The following FARP1 variants were observed in gnomAD, a reference collection of about 807,000 sequenced individuals.
The protein encoded by FARP1 is FERM, ARHGEF and pleckstrin domain-containing protein 1.
In FARP1, 52 loss-of-function variants were observed where a neutral mutation model predicts 128.8. The ratio of observed to expected loss-of-function variants is 0.40; its 90% CI spans 0.32 to 0.51. The LOEUF (loss-of-function observed/expected upper bound fraction) is 0.51. FARP1 is among the 20% of genes least tolerant of loss of function. The pLI, the probability that FARP1 is intolerant of heterozygous loss-of-function variation, is 0.45. For synonymous variants in FARP1, 580 were observed against 551.8 expected (o/e 1.05, Z -0.72); for missense variants, 1,333 against 1,367.9 (o/e 0.97, Z 0.40).
intron 8 of FARP1, among the ~76,000 whole-genome samples, chr13:98,386,428 TCTG>T (rs1418890241): frequency 1.3e-5 from 2 of 152,206 alleles, no homozygotes; most frequent in East Asian, 3.8e-4. Context: ...TATTGATCAT[TCTG>T]CTATTGGACT....
At chr13:98,313,047 C>A (rs1298983332) in intron 2 of FARP1, among the ~76,000 whole-genome samples, 1 of 151,870 alleles carries the variant, frequency 6.6e-6, no homozygotes, top group Non-Finnish European at 1.5e-5. Context: ...AAGCAGAGTC[C>A]TTACAGATGT....
intron 2 of FARP1, among the ~76,000 whole-genome samples, chr13:98,319,074 C>T (rs150000827): frequency 0.022 from 3,333 of 151,328 alleles, 86 homozygotes; most frequent in Admixed American, 0.043. Context: ...GCAGTCCTCC[C>T]GCCTCAGCCT....
At chr13:98,400,253 C>G (rs1389784076) in intron 13 of FARP1, 1 of 152,222 alleles carries the variant, frequency 6.6e-6, no homozygotes, top group African/African-American at 2.4e-5. Flanking sequence ...CCAGTCTGCT[C>G]TGAATGTGCA....
Position 98,378,320 on chromosome 13 carries a change from A to G in FARP1, c.496+402A>G, listed in dbSNP as rs185264159. 3.0e-3 allele frequency among the ~76,000 whole-genome samples: 459 copies of G among 152,300 alleles called. 4 individuals carry two copies. Among genetic ancestry groups the G allele is most frequent in the African/African-American group, 8.0e-3 (332 of 41,564 alleles). ...ACTGCCACCGATTTCACTTCTCTCT[A>G]GAGATTTTTGCTCTTCAGAATTCAG... On this transcript the variant is annotated intron_variant, in intron 6 of 26. Transcript: ENST00000319562.
chr13:98,360,090 C>CTTTTTT (rs55859311), intron 3 of FARP1, among the ~76,000 whole-genome samples: 40 of 104,580 alleles, frequency 3.8e-4, no homozygotes, highest in East Asian at 9.9e-4. Context: ...GATTGTGTTG[C>CTTTTTT]TTTTTTTTTT....
In FARP1 at chr13:98,440,758, C is replaced by A; in HGVS notation, c.2718C>A (p.His906Gln). The A allele has an allele frequency of 6.2e-7, 1 of 1,613,402 alleles. No individual in the cohort carries two copies. Among genetic ancestry groups the A allele is most frequent in the Non-Finnish European group, 8.5e-7 (1 of 1,179,980 alleles). ...CATCGCTGGAGCGCCAGGCCCCGCACCGCGGCAACACAATGGTGCACGTGT... is the reference window on the plus strand; with the variant it reads ...CATCGCTGGAGCGCCAGGCCCCGCAACGCGGCAACACAATGGTGCACGTGT... Reference protein sequence around the residue: ...SRTSLERQAPHRGNTMVHVCW... With the variant: ...SRTSLERQAPQRGNTMVHVCW... The change falls in exon 24 of 27, where the codon CAC becomes CAA. Residue 906 changes from histidine (H) to glutamine (Q), a missense_variant. His to Gln is a conservative substitution (Grantham distance 24, BLOSUM62 0). Transcript: ENST00000319562.
intron 16 of FARP1, among the ~76,000 whole-genome samples, chr13:98,413,002 G>C (rs1333755320): frequency 3.9e-5 from 6 of 152,240 alleles, no homozygotes; most frequent in Non-Finnish European, 8.8e-5. Context: ...AGCCCTATGT[G>C]AGGTTGTCCT....
intron 2 of FARP1, among the ~76,000 whole-genome samples, chr13:98,238,905 AC>A (rs1566781210): frequency 6.6e-6 from 1 of 151,964 alleles, no homozygotes; most frequent in African/African-American, 2.4e-5. Flanking sequence ...CTGTGCGCCA[AC>A]CCCCACATTG....
In FARP1 at chr13:98,176,163, T is replaced by C; in HGVS notation, c.-24+32671T>C. 1 of 1,609,234 alleles carries C rather than the reference T, an allele frequency of 6.2e-7. No individual in the cohort carries two copies. Among genetic ancestry groups the C allele is most frequent in the Non-Finnish European group, 8.5e-7 (1 of 1,175,902 alleles). ...GTGTACATACAGACTTGAGTCTTTC[T>C]TATCTCTTTTTTCCTAAAAGAACAA... On this transcript the variant is annotated intron_variant, in intron 1 of 26. Transcript: ENST00000319562. The surrounding 1 kb of genome is among the most constrained non-coding windows in gnomAD (Gnocchi z 6.2).
intron 3 of FARP1, among the ~76,000 whole-genome samples, chr13:98,344,089 C>T (rs1221682541): frequency 5.3e-5 from 8 of 152,148 alleles, no homozygotes; most frequent in African/African-American, 1.2e-4. Flanking sequence ...GGCTATGTAT[C>T]GGCCCTCACA....
chr13:98,192,789 A>C (rs1042055774), intron 1 of FARP1, among the ~76,000 whole-genome samples: 12 of 152,242 alleles, frequency 7.9e-5, no homozygotes, highest in African/African-American at 2.9e-4. Flanking sequence ...TAAATTGACC[A>C]GAAAAGTGAG....
chr13:98,352,382 A>G (rs575655935), intron 3 of FARP1, among the ~76,000 whole-genome samples: 8 of 152,302 alleles, frequency 5.3e-5, no homozygotes, highest in African/African-American at 1.9e-4. Context: ...TGCTCCAGTG[A>G]CCAGTAACTG....
chr13:98,368,277 A>G lies in FARP1; in HGVS notation c.398+82A>G. 4 of 992,758 alleles carry G rather than the reference A, an allele frequency of 4.0e-6. No homozygotes were observed. The South Asian group carries it at 5.3e-5, about 13-fold the overall frequency. 61.5% of individuals were successfully genotyped at this position (992,758 alleles called of 1,614,324 possible). On this transcript the variant is annotated intron_variant, in intron 5 of 26. Coordinates refer to ENST00000319562, the MANE Select transcript of FARP1 (RefSeq NM_005766.4). ...ATGAATGTTCTCAATTGATGACACA[A>G]ACATTTTCATAATGTTTACTTGACC...
chr13:98,365,842 G>C (rs1251092010), intron 4 of FARP1, among the ~76,000 whole-genome samples: 4 of 151,878 alleles, frequency 2.6e-5, no homozygotes, highest in African/African-American at 9.7e-5. Context: ...TCAGAATGCA[G>C]GTATTGTTTG....
chr13:98,267,514 C>G (rs1884180335), intron 2 of FARP1, among the ~76,000 whole-genome samples: 1 of 152,188 alleles, frequency 6.6e-6, no homozygotes, highest in South Asian at 2.1e-4. Context: ...CAAGGTTGGA[C>G]TCTCGGCCTA....
At chr13:98,276,411 T>C (rs1215567518) in intron 2 of FARP1, among the ~76,000 whole-genome samples, 1 of 152,110 alleles carries the variant, frequency 6.6e-6, no homozygotes, top group Non-Finnish European at 1.5e-5. Flanking sequence ...ATTCATAATA[T>C]TATGGCATAA....
chr13:98,358,428 A>G (rs1888726832), intron 3 of FARP1, among the ~76,000 whole-genome samples: 2 of 151,908 alleles, frequency 1.3e-5, no homozygotes, highest in African/African-American at 2.4e-5. Context: ...CCATTTTTGG[A>G]GTTGCTTTGT....
At chr13:98,254,360 C>T (rs2139505266) in intron 2 of FARP1, among the ~76,000 whole-genome samples, 1 of 152,278 alleles carries the variant, frequency 6.6e-6, no homozygotes, top group Admixed American at 6.5e-5. Context: ...GTTATATCAT[C>T]TGTAAAGTGT....
At chr13:98,265,544 C>A (rs1449495198) in intron 2 of FARP1, among the ~76,000 whole-genome samples, 1 of 151,490 alleles carries the variant, frequency 6.6e-6, no homozygotes, top group East Asian at 1.9e-4. Flanking sequence ...TGGTCTCGAT[C>A]TCCTGACCTC....
Sources: allele counts gnomAD v4.1 joint callset (sites outside exome capture counted in the v4.1 genomes callset), GRCh38; gene constraint gnomAD v4.1.1; non-coding constraint Gnocchi (gnomAD v3.1); transcripts MANE v1.5; gene names NCBI Gene and HGNC (gene_info 2026-07-23, HGNC 2026-07-21).